The following SYCP1 variants were observed in gnomAD, a reference collection of about 807,000 sequenced individuals.
SYCP1 encodes synaptonemal complex protein 1.
SYCP1 carries 64 observed loss-of-function variants against 153.1 expected under a neutral mutation model. That is an observed-to-expected ratio of 0.42 (90% CI 0.34 to 0.51). The LOEUF (loss-of-function observed/expected upper bound fraction) is 0.51. Ranked by LOEUF, SYCP1 falls within the 20% of genes least tolerant of loss-of-function variation. The pLI, the probability that SYCP1 is intolerant of heterozygous loss-of-function variation, is 0.06. For synonymous variants in SYCP1, 384 were observed against 341.8 expected, an observed-to-expected ratio of 1.12 and a Z score of -1.36; for missense variants, 997 against 1,049.0, an observed-to-expected ratio of 0.95 and a Z score of 0.68.
Position 114,876,792 on chromosome 1 carries a change from A to T in SYCP1, c.783A>T (p.Ile261=), listed in dbSNP as rs1665570856. 7.1e-7 allele frequency: 1 copy of T among 1,399,946 alleles called. No individual in the cohort carries two copies. The highest frequency in any genetic ancestry group is 2.9e-5 in the Admixed American group (1 of 34,534). 86.7% of individuals were successfully genotyped at this position (1,399,946 alleles called of 1,614,324 possible). ...QHLEQEYKKE[I]NDKEKQVSLL... ...TTGAACAAGAATACAAGAAGGAAAT[A>T]AATGACAAGGAAAAGCAGGTTTTTT... Residue 261 remains isoleucine (I), a synonymous_variant, in exon 11 of 32, where the codon ATA becomes ATT. Transcript: ENST00000369522.
chr1:114,893,985 G>T (rs1465635315), intron 15 of SYCP1, among the ~76,000 whole-genome samples: 1 of 150,814 alleles, frequency 6.6e-6, no homozygotes, highest in Non-Finnish European at 1.5e-5. Flanking sequence ...TTTCTCCAAG[G>T]ATTCGTTAAT....
intron 16 of SYCP1, among the ~76,000 whole-genome samples, chr1:114,898,590 C>T (rs1393122719): frequency 6.6e-6 from 1 of 152,106 alleles, no homozygotes; most frequent in Non-Finnish European, 1.5e-5. Context: ...TTAAAAACAA[C>T]TAATGAGTTT....
At chr1:114,964,656 T>G (rs1274340917) in intron 27 of SYCP1, among the ~76,000 whole-genome samples, 1 of 152,188 alleles carries the variant, frequency 6.6e-6, no homozygotes, top group African/African-American at 2.4e-5. Context: ...TTCTTGTTTT[T>G]GTCATGTTTG....
chr1:114,976,950 A>C (rs538088412), intron 27 of SYCP1, among the ~76,000 whole-genome samples: 1 of 151,814 alleles, frequency 6.6e-6, no homozygotes, highest in South Asian at 2.1e-4. Context: ...AGTTGTAAAA[A>C]TTTTGTGCTT....
At chr1:114,977,744 T>C (rs1209231744) in intron 28 of SYCP1, 128 bp downstream of exon 28, 3 of 616,114 alleles carry the variant, frequency 4.9e-6, no homozygotes, top group Non-Finnish European at 7.7e-6. Context: ...ATTTTCTAAA[T>C]TGTTTCTTGC....
At chr1:114,855,279 G>A in intron 1 of SYCP1, 162 bp from the exon 2 acceptor site, 1 of 377,816 alleles carries the variant, frequency 2.6e-6, no homozygotes. Context: ...TGCCCACTCC[G>A]CGGTAAGCGA....
At chr1:114,956,468 G>A (rs1475610926) in intron 27 of SYCP1, among the ~76,000 whole-genome samples, 1 of 152,168 alleles carries the variant, frequency 6.6e-6, no homozygotes, top group Non-Finnish European at 1.5e-5. Flanking sequence ...TAGGAGACAT[G>A]TGTTCTCTCA....
intron 23 of SYCP1, among the ~76,000 whole-genome samples, chr1:114,927,780 A>C (rs752705501): frequency 6.6e-6 from 1 of 152,056 alleles, no homozygotes; most frequent in Non-Finnish European, 1.5e-5. Flanking sequence ...TAAGTGTGTA[A>C]TTGGAGTCCC....
At chr1:114,894,335 T>C (rs1666920240) in intron 15 of SYCP1, among the ~76,000 whole-genome samples, 1 of 152,190 alleles carries the variant, frequency 6.6e-6, no homozygotes. Flanking sequence ...GTAAGTCTAT[T>C]ACATTTCCAT....
intron 20 of SYCP1, among the ~76,000 whole-genome samples, chr1:114,915,996 G>GTTA (rs1668485390): frequency 6.6e-6 from 1 of 152,064 alleles, no homozygotes; most frequent in South Asian, 2.1e-4. Flanking sequence ...TGGGAGAGTG[G>GTTA]GTAACAGAAT....
In SYCP1 at chr1:114,857,502, G is replaced by C; in HGVS notation, c.291+5G>C. 6.3e-7 allele frequency: 1 copy of C among 1,586,424 alleles called. No individual in the cohort carries two copies. Among genetic ancestry groups the C allele is most frequent in the Non-Finnish European group, 8.6e-7 (1 of 1,165,392 alleles). Reference sequence around the variant, plus strand: ...CTAAAAGACTCTGATTTGGAGGTCAGAAGATTTCCCATTCATATTAAATTT... The same window carrying C: ...CTAAAAGACTCTGATTTGGAGGTCACAAGATTTCCCATTCATATTAAATTT... On this transcript the variant is annotated splice_donor_5th_base_variant and intron_variant, in intron 5 of 31. Transcript: ENST00000369522.
At chr1:114,861,571 C>A (rs903001216) in intron 8 of SYCP1, among the ~76,000 whole-genome samples, 1 of 152,052 alleles carries the variant, frequency 6.6e-6, no homozygotes, top group Non-Finnish European at 1.5e-5. Context: ...ATAGCCGGTG[C>A]TCAAATTTAG....
intron 16 of SYCP1, among the ~76,000 whole-genome samples, chr1:114,909,495 TACACACACACAC>T (rs57520899): frequency 2.8e-4 from 30 of 106,504 alleles, no homozygotes; most frequent in Non-Finnish European, 4.1e-4. Flanking sequence ...TCCCTTGCTG[TACACACACACAC>T]ACACACACAC....
At chr1:114,944,289 A>G in intron 23 of SYCP1, 50 bp from the exon 24 acceptor site, 4 of 1,033,362 alleles carry the variant, frequency 3.9e-6, no homozygotes. Flanking sequence ...AATGTTTTCA[A>G]GTAATCCATA....
chr1:114,883,207 A>G (rs1666073570), intron 12 of SYCP1, among the ~76,000 whole-genome samples: 1 of 152,180 alleles, frequency 6.6e-6, no homozygotes, highest in African/African-American at 2.4e-5. Context: ...TTTAAATGAC[A>G]AAGCTCATCA....
chr1:114,900,176 GT>G (rs1667331304), intron 16 of SYCP1, among the ~76,000 whole-genome samples: 1 of 152,132 alleles, frequency 6.6e-6, no homozygotes, highest in South Asian at 2.1e-4. Context: ...TGCAAGATTA[GT>G]TTTTACAATC....
chr1:114,862,352 G>GT lies in SYCP1; in HGVS notation c.598+1559dup, dbSNP rs67029711. On this transcript the variant is annotated intron_variant, in intron 8 of 31. Coordinates refer to ENST00000369522, the MANE Select transcript of SYCP1 (RefSeq NM_003176.4). ...GTCTGATAGTTCTTTTTTGTTCTTT[G>GT]TTTTTTTTTTTTTTTTAGACGAAGT... Among the ~76,000 whole-genome samples the GT allele has an allele frequency of 6.9e-3, 972 of 140,330 alleles. 1 individual carries two copies. Among genetic ancestry groups the GT allele is most frequent in the African/African-American group, 0.011 (436 of 38,014 alleles). 92.1% of individuals were successfully genotyped at this position (140,330 alleles called of 152,430 possible). A position where few individuals can be genotyped will look rare whatever the true frequency, so the allele number is the denominator to read the frequency against.
chr1:114,964,334 T>G (rs1451568445), intron 27 of SYCP1, among the ~76,000 whole-genome samples: 1 of 152,238 alleles, frequency 6.6e-6, no homozygotes, highest in Non-Finnish European at 1.5e-5. Context: ...GCCTGTTCAC[T>G]CTGATGATAG....
intron 27 of SYCP1, among the ~76,000 whole-genome samples, chr1:114,964,348 C>A (rs1320843519): frequency 2.6e-5 from 4 of 152,150 alleles, no homozygotes; most frequent in African/African-American, 9.7e-5. Flanking sequence ...ATGATAGTTT[C>A]TTTGGCTGTG....
Sources: allele counts gnomAD v4.1 joint callset (sites outside exome capture counted in the v4.1 genomes callset), GRCh38; gene constraint gnomAD v4.1.1; transcripts MANE v1.5; gene names NCBI Gene and HGNC (gene_info 2026-07-23, HGNC 2026-07-21).